The following SMPD3 variants were observed in gnomAD, a reference collection of about 807,000 sequenced individuals.
The protein encoded by SMPD3 is nSMase-2.
A neutral mutation model predicts 55.7 loss-of-function variants in SMPD3; 21 were observed. The observed-to-expected ratio is 0.38, with a 90% CI of 0.27 to 0.54. SMPD3 has a LOEUF of 0.54. Ranked by LOEUF, SMPD3 falls within the 20% of genes least tolerant of loss-of-function variation. The pLI is 0.80. For synonymous variants in SMPD3, 457 were observed against 404.3 expected, an observed-to-expected ratio of 1.13 and a Z score of -1.56; for missense variants, 842 against 899.6, an observed-to-expected ratio of 0.94 and a Z score of 0.82.
At chr16:68,383,467 A>T (rs1238773412) in intron 2 of SMPD3, among the ~76,000 whole-genome samples, 1 of 152,216 alleles carries the variant, frequency 6.6e-6, no homozygotes, top group Non-Finnish European at 1.5e-5. Context: ...GATTGGCCTT[A>T]GGAAATAGGC....
At chr16:68,402,271 A>G (rs1331899851) in intron 1 of SMPD3, among the ~76,000 whole-genome samples, 3 of 152,128 alleles carry the variant, frequency 2.0e-5, no homozygotes, top group Non-Finnish European at 2.9e-5. Context: ...CCTCTATAAA[A>G]TGGGGAAGGT....
intron 1 of SMPD3, among the ~76,000 whole-genome samples, chr16:68,388,912 A>C (rs1415377448): frequency 2.0e-5 from 3 of 152,144 alleles, no homozygotes; most frequent in Non-Finnish European, 4.4e-5. Flanking sequence ...TGAGAATAAG[A>C]TCACATCAAG....
intron 1 of SMPD3, among the ~76,000 whole-genome samples, chr16:68,408,047 C>T (rs1735319775): frequency 6.6e-6 from 1 of 152,082 alleles, no homozygotes; most frequent in African/African-American, 2.4e-5. Flanking sequence ...ATTTTCTAAC[C>T]ACCAATGGCT....
intron 1 of SMPD3, among the ~76,000 whole-genome samples, chr16:68,402,017 G>C (rs111587677): frequency 5.2e-4 from 79 of 152,166 alleles, no homozygotes; most frequent in African/African-American, 1.8e-3. Flanking sequence ...TCCTACCCAG[G>C]CTTCCTTAGC....
At chr16:68,400,338 T>C (rs756106511) in intron 1 of SMPD3, among the ~76,000 whole-genome samples, 1 of 152,112 alleles carries the variant, frequency 6.6e-6, no homozygotes, top group Non-Finnish European at 1.5e-5. Context: ...CATGACCCAT[T>C]TGGGCTGTAA....
intron 1 of SMPD3, among the ~76,000 whole-genome samples, chr16:68,414,682 G>A (rs2090326072): frequency 6.6e-6 from 1 of 152,260 alleles, no homozygotes; most frequent in Non-Finnish European, 1.5e-5. Flanking sequence ...CTGGCCAACA[G>A]GGCATGGCAT....
chr16:68,397,233 C>G (rs940613148), intron 1 of SMPD3, among the ~76,000 whole-genome samples: 1 of 152,226 alleles, frequency 6.6e-6, no homozygotes, highest in Non-Finnish European at 1.5e-5. Context: ...GTTGGGAAGT[C>G]TTGCTAGCCA....
chr16:68,386,471 G>A (rs2090054337), intron 2 of SMPD3, 127 bp downstream of exon 2: 1 of 152,088 alleles, frequency 6.6e-6, no homozygotes, highest in Non-Finnish European at 1.5e-5. Flanking sequence ...AGGCGGGAGA[G>A]CCTTTTCCTA....
chr16:68,427,910 C>T (rs1357887694), intron 1 of SMPD3, among the ~76,000 whole-genome samples: 1 of 152,150 alleles, frequency 6.6e-6, no homozygotes, highest in African/African-American at 2.4e-5. Flanking sequence ...CCTGAGGATC[C>T]AGTCCCTTGT....
At chr16:68,432,438 T>C (rs1002777413) in intron 1 of SMPD3, among the ~76,000 whole-genome samples, 1 of 152,246 alleles carries the variant, frequency 6.6e-6, no homozygotes, top group African/African-American at 2.4e-5. Flanking sequence ...AGAGCTGAAA[T>C]TGATAAGAAT....
intron 2 of SMPD3, 104 bp from the exon 3 acceptor site, chr16:68,372,491 T>C (rs1260915148): frequency 2.0e-5 from 9 of 453,476 alleles, no homozygotes; most frequent in South Asian, 1.7e-4. Flanking sequence ...TCCCCTGGTG[T>C]GAGTGGGACA....
At chr16:68,436,507 C>T (rs569658559) in intron 1 of SMPD3, among the ~76,000 whole-genome samples, 2 of 152,286 alleles carry the variant, frequency 1.3e-5, no homozygotes, top group East Asian at 3.9e-4. Flanking sequence ...GACTTGAGTA[C>T]CAAGCAGGGT....
chr16:68,376,390 G>T (rs2089815583), intron 2 of SMPD3, among the ~76,000 whole-genome samples: 1 of 152,204 alleles, frequency 6.6e-6, no homozygotes. Flanking sequence ...GGGACTCCAT[G>T]CCCCCGCTCT....
At chr16:68,439,962 G>A (rs2090553271) in intron 1 of SMPD3, among the ~76,000 whole-genome samples, 1 of 152,198 alleles carries the variant, frequency 6.6e-6, no homozygotes, top group Non-Finnish European at 1.5e-5. Context: ...TGCCCATTTT[G>A]CTACTTGCCT....
intron 2 of SMPD3, among the ~76,000 whole-genome samples, chr16:68,373,978 C>G (rs1194026078): frequency 6.6e-6 from 1 of 152,236 alleles, no homozygotes; most frequent in Non-Finnish European, 1.5e-5. Context: ...CCCCTTGCCC[C>G]GGTGGCTTAG....
intron 1 of SMPD3, among the ~76,000 whole-genome samples, chr16:68,437,973 A>G (rs2152033375): frequency 6.6e-6 from 1 of 152,344 alleles, no homozygotes; most frequent in African/African-American, 2.4e-5. Flanking sequence ...AGCTGTTTGC[A>G]CAGGAGCAGG....
At chr16:68,429,497 A>T (rs58102845) in intron 1 of SMPD3, among the ~76,000 whole-genome samples, 2 of 152,188 alleles carry the variant, frequency 1.3e-5, no homozygotes, top group African/African-American at 4.8e-5. Context: ...TATTGATTCC[A>T]GGAGTATAAT....
Position 68,361,072 on chromosome 16 carries a change from C to T in SMPD3, c.*134G>A. ...CGCAGAGCAGCGCAGCTTCCAGGTTCCCGGGCACTGACTGTGGCTCCCTCC... is the reference window on the plus strand; with the variant it reads ...CGCAGAGCAGCGCAGCTTCCAGGTTTCCGGGCACTGACTGTGGCTCCCTCC... On this transcript the variant is annotated 3_prime_UTR_variant, in exon 9 of 9. Transcript: ENST00000219334. The T allele has an allele frequency of 2.5e-6, 2 of 784,342 alleles. No homozygotes were observed. 48.6% of individuals were successfully genotyped at this position (784,342 alleles called of 1,614,324 possible).
chr16:68,400,564 C>T (rs1051470294), intron 1 of SMPD3, among the ~76,000 whole-genome samples: 1 of 152,216 alleles, frequency 6.6e-6, no homozygotes, highest in Non-Finnish European at 1.5e-5. Flanking sequence ...CCTCAACTTG[C>T]ACTTTCTGAC....
Sources: allele counts gnomAD v4.1 joint callset (sites outside exome capture counted in the v4.1 genomes callset), GRCh38; gene constraint gnomAD v4.1.1; transcripts MANE v1.5; gene names NCBI Gene and HGNC (gene_info 2026-07-23, HGNC 2026-07-21).